The following RSU1 variants were observed in gnomAD, a reference collection of about 807,000 sequenced individuals.
RSU1 encodes rsu-1.
In RSU1, 26 loss-of-function variants were observed where a neutral mutation model predicts 31.1. The observed-to-expected ratio is 0.84, with a 90% CI of 0.61 to 1.16. The LOEUF (loss-of-function observed/expected upper bound fraction) is 1.16. Among genes scored for constraint, RSU1 ranks in the 50% most tolerant of loss-of-function variants. The pLI is 0.00. For synonymous variants in RSU1, 164 were observed against 136.3 expected (o/e 1.20, Z -1.41); for missense variants, 320 against 339.1 (o/e 0.94, Z 0.44).
intron 8 of RSU1, among the ~76,000 whole-genome samples, chr10:16,616,974 T>C (rs1430272304): frequency 1.3e-5 from 2 of 152,136 alleles, no homozygotes; most frequent in African/African-American, 4.8e-5. Flanking sequence ...TCCTATAGTA[T>C]TGGAAGCTCT....
intron 8 of RSU1, among the ~76,000 whole-genome samples, chr10:16,611,590 C>T (rs1833892125): frequency 6.6e-6 from 1 of 152,224 alleles, no homozygotes; most frequent in Non-Finnish European, 1.5e-5. Context: ...CAGCCCCTCA[C>T]CCACTGGCCT....
chr10:16,765,441 G>A lies in RSU1; in HGVS notation c.161-931C>T, dbSNP rs76473257. ...ATACAAAAAGTCAACTCAGTAGCAT[G>A]CTATGAATACTAGTATTCAGATCAA... On this transcript the variant is annotated intron_variant, in intron 3 of 8. Coordinates refer to ENST00000345264, the MANE Select transcript of RSU1 (RefSeq NM_012425.4). Among the ~76,000 whole-genome samples the A allele has an allele frequency of 9.6e-3, 1,459 of 152,264 alleles. 12 individuals are homozygous for A. Among genetic ancestry groups the A allele is most frequent in the Non-Finnish European group, 0.015 (1,034 of 68,024 alleles).
chr10:16,633,757 T>C (rs998532016), intron 8 of RSU1, among the ~76,000 whole-genome samples: 2 of 152,148 alleles, frequency 1.3e-5, no homozygotes. Flanking sequence ...GGCTTCTGTG[T>C]ACTTTTCAAT....
intron 4 of RSU1, among the ~76,000 whole-genome samples, chr10:16,756,205 G>T (rs10904800): frequency 0.2 from 30,067 of 151,974 alleles, 4,570 homozygotes; most frequent in African/African-American, 0.43. Context: ...GGAGAGGTGT[G>T]GTTTAATGGG....
At chr10:16,783,005 G>C (rs1420928158) in intron 2 of RSU1, among the ~76,000 whole-genome samples, 1 of 151,736 alleles carries the variant, frequency 6.6e-6, no homozygotes, top group South Asian at 2.1e-4. Flanking sequence ...CCGCCTCCCA[G>C]GTTCAAATGA....
chr10:16,696,010 T>C (rs1003010168), intron 7 of RSU1, among the ~76,000 whole-genome samples: 20 of 152,282 alleles, frequency 1.3e-4, no homozygotes, highest in African/African-American at 4.3e-4. Flanking sequence ...TTTTTTCTTT[T>C]TGATATATTC....
At chr10:16,692,729 AT>A (rs201959451) in intron 8 of RSU1, among the ~76,000 whole-genome samples, 17 of 152,176 alleles carry the variant, frequency 1.1e-4, no homozygotes, top group Non-Finnish European at 2.5e-4. Flanking sequence ...CTACATTCGT[AT>A]TTTTTTAAAA....
rs181467091 is a variant in RSU1 at position 16,753,659 on chromosome 10, A to T, written c.401-659T>A. 2.4e-3 allele frequency among the ~76,000 whole-genome samples: 373 copies of T among 152,350 alleles called. 1 individual carries two copies. The highest frequency in any genetic ancestry group is 8.0e-3 in the African/African-American group (333 of 41,578). ...TATCAGTAGTCAGAAATTTGTTCAT[A>T]ATTATTACACAATGATAATACGATT... On this transcript the variant is annotated intron_variant, in intron 5 of 8. Coordinates refer to ENST00000345264, the MANE Select transcript of RSU1 (RefSeq NM_012425.4).
At chr10:16,769,804 G>T (rs1437269679) in intron 3 of RSU1, among the ~76,000 whole-genome samples, 3 of 152,206 alleles carry the variant, frequency 2.0e-5, no homozygotes, top group African/African-American at 7.2e-5. Flanking sequence ...GATGCCTCTT[G>T]AGCCTGGGGA....
rs1389041988 is a variant in RSU1, at chr10:16,590,697, T to G, written c.*2697A>C. On this transcript the variant is annotated 3_prime_UTR_variant, in exon 9 of 9. Transcript: ENST00000345264. Reference sequence around the variant, plus strand: ...AGAAAAAATTTAAGTACAGAATGAATAAGTAAAATTCTAGAAAGTCTTAGT... The same window carrying G: ...AGAAAAAATTTAAGTACAGAATGAAGAAGTAAAATTCTAGAAAGTCTTAGT... The G allele has an allele frequency of 6.6e-6, 1 of 152,214 alleles. No homozygotes were observed. Among genetic ancestry groups the G allele is most frequent in the Non-Finnish European group, 1.5e-5 (1 of 68,028 alleles). 9.4% of individuals were successfully genotyped at this position (152,214 alleles called of 1,614,324 possible).
intron 8 of RSU1, among the ~76,000 whole-genome samples, chr10:16,618,790 GAC>G (rs1406892906): frequency 3.3e-5 from 5 of 152,134 alleles, no homozygotes; most frequent in Non-Finnish European, 7.3e-5. Flanking sequence ...AGAACACAAA[GAC>G]ACAGGGAGGG....
chr10:16,661,542 A>C (rs1834891428), intron 8 of RSU1, among the ~76,000 whole-genome samples: 1 of 152,160 alleles, frequency 6.6e-6, no homozygotes, highest in East Asian at 1.9e-4. Flanking sequence ...CATTAAGCTT[A>C]TAGTCACAAA....
chr10:16,774,768 G>T (rs1837494074), intron 3 of RSU1, among the ~76,000 whole-genome samples: 1 of 152,194 alleles, frequency 6.6e-6, no homozygotes, highest in African/African-American at 2.4e-5. Context: ...CAGGGTTGTA[G>T]TTTTCACTCT....
At chr10:16,638,263 C>T (rs774844391) in intron 8 of RSU1, among the ~76,000 whole-genome samples, 8 of 152,174 alleles carry the variant, frequency 5.3e-5, no homozygotes, top group South Asian at 4.1e-4. Context: ...AAAACAGTCT[C>T]GCCAAGGTTT....
intron 8 of RSU1, among the ~76,000 whole-genome samples, chr10:16,676,767 T>C (rs1178028724): frequency 6.6e-6 from 1 of 152,174 alleles, no homozygotes; most frequent in African/African-American, 2.4e-5. Flanking sequence ...ACTCAACCTG[T>C]ATAAATGTGT....
chr10:16,736,886 A>G (rs965275450), intron 7 of RSU1, among the ~76,000 whole-genome samples: 2 of 152,162 alleles, frequency 1.3e-5, no homozygotes, highest in Admixed American at 1.3e-4. Flanking sequence ...CTTGGAAGTG[A>G]AAAATGCAAC....
intron 8 of RSU1, among the ~76,000 whole-genome samples, chr10:16,634,890 T>C (rs184310613): frequency 3.3e-5 from 5 of 152,376 alleles, no homozygotes; most frequent in East Asian, 1.9e-4. Context: ...TTCTAACTTG[T>C]AAATTTCTAC....
intron 2 of RSU1, among the ~76,000 whole-genome samples, chr10:16,814,363 G>T (rs1401736060): frequency 6.6e-6 from 1 of 150,866 alleles, no homozygotes; most frequent in Non-Finnish European, 1.5e-5. Flanking sequence ...TGGGAGGATT[G>T]CTTGAGCCTG....
At chr10:16,600,495 T>A (rs1401821045) in intron 8 of RSU1, among the ~76,000 whole-genome samples, 1 of 151,982 alleles carries the variant, frequency 6.6e-6, no homozygotes, top group African/African-American at 2.4e-5. Flanking sequence ...GAATAAATTT[T>A]GCAACTTTTT....
Sources: allele counts gnomAD v4.1 joint callset (sites outside exome capture counted in the v4.1 genomes callset), GRCh38; gene constraint gnomAD v4.1.1; transcripts MANE v1.5; gene names NCBI Gene and HGNC (gene_info 2026-07-23, HGNC 2026-07-21).